Variants in ZMAT4 observed in about 807,000 individuals in gnomAD.
The protein encoded by ZMAT4 is zinc finger matrin-type 4, also known as zinc finger matrin-type protein 4.
Under a neutral mutation model 28.7 loss-of-function variants are expected in ZMAT4, and 17 were observed. The ratio of observed to expected loss-of-function variants is 0.59; its 90% confidence interval spans 0.41 to 0.89. The LOEUF is 0.89. Ranked by LOEUF, ZMAT4 falls within the 40% of genes least tolerant of loss-of-function variation. The pLI, the probability that ZMAT4 is intolerant of heterozygous loss-of-function variation, is 0.00. For missense variants in ZMAT4, 240 were observed against 283.8 expected (o/e 0.85, Z 1.11); for synonymous variants, 117 against 109.2 (o/e 1.07, Z -0.44).
intron 1 of ZMAT4, among the ~76,000 whole-genome samples, chr8:40,851,182 C>T (rs1270577903): frequency 6.6e-6 from 1 of 151,998 alleles, no homozygotes; most frequent in African/African-American, 2.4e-5. Context: ...TAAAACTTAG[C>T]TGGGTGTGGT....
intron 6 of ZMAT4, among the ~76,000 whole-genome samples, chr8:40,553,074 G>T (rs1179580705): frequency 6.6e-6 from 1 of 152,122 alleles, no homozygotes; most frequent in Non-Finnish European, 1.5e-5. Context: ...TGGAGATATG[G>T]TCATAAAATG....
chr8:40,672,838 A>G (rs1691629553), intron 5 of ZMAT4, among the ~76,000 whole-genome samples: 1 of 152,218 alleles, frequency 6.6e-6, no homozygotes. Flanking sequence ...AACAAGACAT[A>G]GACTGAAAAC....
intron 5 of ZMAT4, among the ~76,000 whole-genome samples, chr8:40,624,454 T>C (rs1374752355): frequency 6.6e-6 from 1 of 152,248 alleles, no homozygotes; most frequent in East Asian, 1.9e-4. Flanking sequence ...TCTATGTATT[T>C]TGCTACAGCA....
intron 1 of ZMAT4, among the ~76,000 whole-genome samples, chr8:40,855,543 A>T (rs1260907220): frequency 6.6e-6 from 1 of 152,128 alleles, no homozygotes; most frequent in Admixed American, 6.5e-5. Flanking sequence ...GTCTCATGGA[A>T]ACTGGGGCAT....
chr8:40,588,574 T>C (rs1178063455), intron 5 of ZMAT4, among the ~76,000 whole-genome samples: 2 of 152,020 alleles, frequency 1.3e-5, no homozygotes, highest in Non-Finnish European at 2.9e-5. Context: ...AACAATTAAA[T>C]ACTATTGCAT....
intron 1 of ZMAT4, among the ~76,000 whole-genome samples, chr8:40,835,425 C>T (rs185012522): frequency 3.9e-4 from 59 of 152,326 alleles, no homozygotes; most frequent in Admixed American, 3.7e-3. Context: ...GAAAAGCCTA[C>T]GTGGGTCCCC....
At chr8:40,643,709 A>C (rs1230349650) in intron 5 of ZMAT4, among the ~76,000 whole-genome samples, 2 of 151,382 alleles carry the variant, frequency 1.3e-5, no homozygotes, top group Non-Finnish European at 2.9e-5. Flanking sequence ...TCCCCAAAAG[A>C]TGCCCATTTA....
intron 2 of ZMAT4, among the ~76,000 whole-genome samples, chr8:40,817,491 C>A (rs552770993): frequency 6.6e-6 from 1 of 152,300 alleles, no homozygotes; most frequent in South Asian, 2.1e-4. Context: ...TGGGAACTTG[C>A]CCCACTTTAT....
chr8:40,828,397 C>G (rs1816155846), intron 1 of ZMAT4, among the ~76,000 whole-genome samples: 1 of 152,118 alleles, frequency 6.6e-6, no homozygotes, highest in African/African-American at 2.4e-5. Flanking sequence ...AAACTCACTG[C>G]ACACTCCTTC....
chr8:40,580,762 T>G (rs928757700), intron 6 of ZMAT4, among the ~76,000 whole-genome samples: 2 of 152,182 alleles, frequency 1.3e-5, no homozygotes, highest in African/African-American at 4.8e-5. Context: ...CTTAATATCC[T>G]GGGGGATTTG....
At chr8:40,819,045 C>A (rs943143714) in intron 2 of ZMAT4, among the ~76,000 whole-genome samples, 1 of 152,164 alleles carries the variant, frequency 6.6e-6, no homozygotes. Flanking sequence ...AGAAAATGCC[C>A]TTCCAGCTAT....
intron 6 of ZMAT4, among the ~76,000 whole-genome samples, chr8:40,580,708 TA>T (rs1563349456): frequency 2.6e-5 from 4 of 152,160 alleles, no homozygotes. Context: ...TCATTGTATA[TA>T]AATGTCATTG....
intron 5 of ZMAT4, among the ~76,000 whole-genome samples, chr8:40,672,735 G>A (rs1808730844): frequency 6.6e-6 from 1 of 152,138 alleles, no homozygotes; most frequent in South Asian, 2.1e-4. Context: ...CTGCCCAGCT[G>A]GGAAGGAGTC....
At position 40,582,743 on chromosome 8, in the gene ZMAT4, AGTATT is replaced by A. The variant is rs556639512; in HGVS notation, c.578-1487_578-1483del. Among the ~76,000 whole-genome samples, 213 of 152,288 alleles carry A rather than the reference AGTATT, an allele frequency of 1.4e-3. 2 individuals carry two copies. Among genetic ancestry groups the A allele is most frequent in the Middle Eastern group, 3.4e-3 (1 of 294 alleles). On this transcript the variant is annotated intron_variant, in intron 5 of 6. Transcript: ENST00000297737. ...CCCTTCTGGACTTCTGTTTTCTTAC[AGTATT>A]GTGGGGAGGGCTGAGTGAGATCTGG...
chr8:40,573,282 T>G (rs1257870166), intron 6 of ZMAT4, among the ~76,000 whole-genome samples: 2 of 152,150 alleles, frequency 1.3e-5, no homozygotes, highest in Non-Finnish European at 2.9e-5. Flanking sequence ...AGAGAAGAAT[T>G]AGTCACAACC....
At chr8:40,885,427 T>A (rs1818419712) in intron 1 of ZMAT4, among the ~76,000 whole-genome samples, 1 of 152,214 alleles carries the variant, frequency 6.6e-6, no homozygotes, top group East Asian at 1.9e-4. Context: ...CCAGGACCAG[T>A]GCCTCCGAGG....
chr8:40,817,755 G>A (rs1428645142), intron 2 of ZMAT4, among the ~76,000 whole-genome samples: 1 of 152,202 alleles, frequency 6.6e-6, no homozygotes, highest in Admixed American at 6.5e-5. Context: ...CAGTGATTGG[G>A]AAGAACTTGA....
At chr8:40,705,817 T>G (rs1810326539) in intron 3 of ZMAT4, among the ~76,000 whole-genome samples, 1 of 152,180 alleles carries the variant, frequency 6.6e-6, no homozygotes. Flanking sequence ...ATAGCTCTCT[T>G]AAACTTATTT....
Position 40,763,134 on chromosome 8 carries a change from G to T in ZMAT4, c.192+4507C>A, listed in dbSNP as rs147283816. Reference sequence around the variant, plus strand: ...CACCATGCCCAGGCATATGTCTATGGTAGCACTTATCATGCTGCATTGAGA... The same window carrying T: ...CACCATGCCCAGGCATATGTCTATGTTAGCACTTATCATGCTGCATTGAGA... On this transcript the variant is annotated intron_variant, in intron 3 of 6. Coordinates refer to ENST00000297737, the MANE Select transcript of ZMAT4 (RefSeq NM_024645.3). Among the ~76,000 whole-genome samples the T allele has an allele frequency of 1.2e-3, 181 of 152,278 alleles. 4 individuals carry two copies. The East Asian group carries it at 0.028, about 24-fold the overall frequency.
Sources: allele counts gnomAD v4.1 joint callset (sites outside exome capture counted in the v4.1 genomes callset), GRCh38; gene constraint gnomAD v4.1.1; transcripts MANE v1.5; gene names NCBI Gene and HGNC (gene_info 2026-07-23, HGNC 2026-07-21).